Variants in SPTLC3 observed in about 807,000 individuals in gnomAD.
SPTLC3 encodes serine palmitoyltransferase long chain base subunit 3.
A neutral mutation model predicts 59.3 loss-of-function variants in SPTLC3; 36 were observed. The observed-to-expected ratio is 0.61, with a 90% CI of 0.47 to 0.80. SPTLC3 has a LOEUF of 0.80. Among genes scored for constraint, SPTLC3 ranks in the 30% least tolerant of loss-of-function variants. The pLI is 0.00. For synonymous variants in SPTLC3, 257 were observed against 240.8 expected (o/e 1.07, Z -0.62); for missense variants, 625 against 685.1 (o/e 0.91, Z 0.98).
Position 13,104,868 on chromosome 20 carries a change from G to A in SPTLC3, c.827-5244G>A, listed in dbSNP as rs62203621. Among the ~76,000 whole-genome samples the A allele has an allele frequency of 4.3e-3, 658 of 152,096 alleles. 3 individuals carry two copies. Among genetic ancestry groups the A allele is most frequent in the Middle Eastern group, 6.8e-3 (2 of 294 alleles). ...TTTGTTTGGAGGGCTTTTGTTTGGG[G>A]AACTTTTTTTAACAAAACTTCTGGC... is the stretch of plus-strand genomic sequence containing the variant. On this transcript the variant is annotated intron_variant, in intron 6 of 11. Transcript: ENST00000399002.
intron 6 of SPTLC3, among the ~76,000 whole-genome samples, chr20:13,100,693 T>C (rs997870952): frequency 2.6e-5 from 4 of 152,238 alleles, no homozygotes; most frequent in African/African-American, 7.2e-5. Flanking sequence ...TTATTCAGCT[T>C]TCACTGGTAT....
At chr20:13,133,477 TA>T (rs1284049190) in intron 9 of SPTLC3, among the ~76,000 whole-genome samples, 2 of 152,240 alleles carry the variant, frequency 1.3e-5, no homozygotes, top group Non-Finnish European at 2.9e-5. Context: ...CTCACACCTG[TA>T]ATCCCAGCAC....
intron 6 of SPTLC3, among the ~76,000 whole-genome samples, chr20:13,105,267 G>GGA (rs1989820793): frequency 6.7e-6 from 1 of 149,576 alleles, no homozygotes; most frequent in Non-Finnish European, 1.5e-5. Flanking sequence ...CCTGCAGGAG[G>GGA]AAAAAAAAAA....
chr20:13,092,780 T>C (rs1989271813), intron 5 of SPTLC3, among the ~76,000 whole-genome samples: 1 of 152,184 alleles, frequency 6.6e-6, no homozygotes, highest in African/African-American at 2.4e-5. Context: ...ATTCAAAGAT[T>C]CTGGAAGACC....
intron 2 of SPTLC3, among the ~76,000 whole-genome samples, chr20:13,053,345 G>C (rs910957934): frequency 6.6e-6 from 1 of 152,016 alleles, no homozygotes; most frequent in African/African-American, 2.4e-5. Context: ...AAGGAATAGC[G>C]TCAACATCAA....
At chr20:13,062,366 A>C (rs2254015) in intron 2 of SPTLC3, among the ~76,000 whole-genome samples, 117,943 of 152,168 alleles carry the variant, frequency 0.78, 46,674 homozygotes, top group African/African-American at 0.94. Context: ...TAAATAAGAT[A>C]ACTGGTAAAA....
chr20:13,145,886 G>C (rs1311852254), intron 9 of SPTLC3, among the ~76,000 whole-genome samples: 1 of 152,106 alleles, frequency 6.6e-6, no homozygotes, highest in Non-Finnish European at 1.5e-5. Context: ...ACAAGTAATG[G>C]GGAAAGGACT....
At chr20:13,147,459 G>A (rs1349233402) in intron 9 of SPTLC3, among the ~76,000 whole-genome samples, 1 of 152,012 alleles carries the variant, frequency 6.6e-6, no homozygotes, top group Non-Finnish European at 1.5e-5. Flanking sequence ...AATAACAGAC[G>A]CTGGCTTCCT....
intron 6 of SPTLC3, among the ~76,000 whole-genome samples, chr20:13,104,933 C>G (rs931810823): frequency 4.6e-5 from 7 of 152,006 alleles, no homozygotes; most frequent in Non-Finnish European, 8.8e-5. Flanking sequence ...ACCTAACAGT[C>G]CTTCCCTACT....
At chr20:13,103,594 A>G (rs1290019762) in intron 6 of SPTLC3, among the ~76,000 whole-genome samples, 1 of 152,216 alleles carries the variant, frequency 6.6e-6, no homozygotes, top group Non-Finnish European at 1.5e-5. Context: ...AGATGAAAGT[A>G]GTTTTTGTGG....
At chr20:13,009,783 G>A (rs1985137214) in intron 1 of SPTLC3, among the ~76,000 whole-genome samples, 1 of 152,168 alleles carries the variant, frequency 6.6e-6, no homozygotes, top group African/African-American at 2.4e-5. Context: ...ACATTTTGCT[G>A]ACATTATGTG....
intron 9 of SPTLC3, among the ~76,000 whole-genome samples, chr20:13,135,964 G>A (rs1000572466): frequency 2.0e-5 from 3 of 152,268 alleles, no homozygotes; most frequent in East Asian, 1.9e-4. Flanking sequence ...CAGTAATGTC[G>A]GAAAGGGAAA....
rs760701976 is a variant in SPTLC3, at chr20:13,030,864, G to C, written c.118-18081G>C. 5.3e-5 allele frequency among the ~76,000 whole-genome samples: 8 copies of C among 152,172 alleles called. No homozygotes were observed. The South Asian group carries it at 1.7e-3, about 32-fold the overall frequency. ...TTTAAAACTTCATTTTCTTTGGGGA[G>C]GACCTTCTCTTTTTCTGAACTAGGT... On this transcript the variant is annotated intron_variant, in intron 1 of 11. Transcript: ENST00000399002.
At chr20:13,042,043 C>T (rs942194962) in intron 1 of SPTLC3, among the ~76,000 whole-genome samples, 3 of 152,190 alleles carry the variant, frequency 2.0e-5, no homozygotes, top group Non-Finnish European at 4.4e-5. Context: ...GCATAAATTG[C>T]TTCACAATCT....
At chr20:13,109,078 CA>C (rs1990075811) in intron 6 of SPTLC3, among the ~76,000 whole-genome samples, 1 of 152,080 alleles carries the variant, frequency 6.6e-6, no homozygotes, top group Non-Finnish European at 1.5e-5. Flanking sequence ...ATGTTAAAAA[CA>C]AAATAATACA....
At chr20:13,063,223 T>C (rs1988040865) in intron 2 of SPTLC3, among the ~76,000 whole-genome samples, 1 of 152,234 alleles carries the variant, frequency 6.6e-6, no homozygotes, top group South Asian at 2.1e-4. Context: ...CACACTTAAC[T>C]CTTCTCAGAC....
intron 3 of SPTLC3, chr20:13,073,849 T>C: frequency 1.8e-6 from 1 of 551,650 alleles, no homozygotes; most frequent in Non-Finnish European, 3.5e-6. Flanking sequence ...CTTCAACTTC[T>C]CTTTTTCCTT....
intron 9 of SPTLC3, among the ~76,000 whole-genome samples, chr20:13,136,829 T>C (rs2038258939): frequency 1.3e-5 from 2 of 151,442 alleles, no homozygotes; most frequent in Admixed American, 1.3e-4. Flanking sequence ...AATATAGTAT[T>C]CAGGGATTAT....
At chr20:13,129,469 T>C (rs1166847607) in intron 9 of SPTLC3, among the ~76,000 whole-genome samples, 1 of 152,244 alleles carries the variant, frequency 6.6e-6, no homozygotes, top group Non-Finnish European at 1.5e-5. Context: ...AAATCAATTA[T>C]TTGAGATTTA....
Sources: allele counts gnomAD v4.1 joint callset (sites outside exome capture counted in the v4.1 genomes callset), GRCh38; gene constraint gnomAD v4.1.1; transcripts MANE v1.5; gene names NCBI Gene and HGNC (gene_info 2026-07-23, HGNC 2026-07-21).